PCNX2: variants seen among roughly 807,000 people sequenced by gnomAD.
PCNX2 encodes the protein pecanex-like protein 2.
A neutral mutation model predicts 223.8 loss-of-function variants in PCNX2; 168 were observed. The ratio of observed to expected loss-of-function variants is 0.75; its 90% CI spans 0.66 to 0.85. The LOEUF (loss-of-function observed/expected upper bound fraction) is 0.85, where lower values mean the gene tolerates loss of function less well. Among genes scored for constraint, PCNX2 ranks in the 40% least tolerant of loss-of-function variants. The pLI, the probability that PCNX2 is intolerant of heterozygous loss-of-function variation, is 0.00. For synonymous variants in PCNX2, 1,006 were observed against 1,052.6 expected, an observed-to-expected ratio of 0.96 and a Z score of 0.86; for missense variants, 2,507 against 2,675.5, an observed-to-expected ratio of 0.94 and a Z score of 1.39.
At chr1:233,198,421 G>A (rs1183570183) in intron 15 of PCNX2, among the ~76,000 whole-genome samples, 2 of 152,226 alleles carry the variant, frequency 1.3e-5, no homozygotes, top group East Asian at 1.9e-4. Flanking sequence ...TCTGAAGTTC[G>A]TGTTTATCTT....
intron 26 of PCNX2, 73 bp downstream of exon 26, chr1:233,025,073 G>T: frequency 6.4e-7 from 1 of 1,570,116 alleles, no homozygotes; most frequent in South Asian, 1.2e-5. Context: ...TTTAGCTTTC[G>T]ACAGAGCTCT....
At chr1:233,120,965 C>G (rs1675748344) in intron 21 of PCNX2, among the ~76,000 whole-genome samples, 1 of 151,860 alleles carries the variant, frequency 6.6e-6, no homozygotes. Context: ...ACTAATAAGT[C>G]AGCATAGCAA....
intron 25 of PCNX2, among the ~76,000 whole-genome samples, chr1:233,043,351 T>A (rs1671709695): frequency 6.6e-6 from 1 of 152,212 alleles, no homozygotes; most frequent in African/African-American, 2.4e-5. Context: ...CCCTTGAACT[T>A]GATGGCCCCC....
At chr1:233,194,791 C>T (rs550151179) in intron 15 of PCNX2, among the ~76,000 whole-genome samples, 4 of 151,948 alleles carry the variant, frequency 2.6e-5, no homozygotes, top group East Asian at 1.9e-4. Context: ...CCGAGGCAGG[C>T]GGATCACGAG....
At chr1:233,114,483 G>A (rs1675293692) in intron 21 of PCNX2, among the ~76,000 whole-genome samples, 1 of 152,220 alleles carries the variant, frequency 6.6e-6, no homozygotes, top group African/African-American at 2.4e-5. Flanking sequence ...ATGAAGTGGT[G>A]AGTCATTACA....
At chr1:233,200,050 G>A (rs1190647822) in intron 14 of PCNX2, 104 bp downstream of exon 14, 1 of 939,440 alleles carries the variant, frequency 1.1e-6, no homozygotes, top group Non-Finnish European at 1.6e-6. Context: ...AAATGCTCAG[G>A]ACAAAGAAAA....
At chr1:232,999,029 CAGG>C in intron 31 of PCNX2, 73 bp downstream of exon 31, 1 of 1,467,512 alleles carries the variant, frequency 6.8e-7, no homozygotes, top group Non-Finnish European at 9.1e-7. Flanking sequence ...AAATCTGAAC[CAGG>C]AGTACAGAGC....
chr1:233,255,040 T>C (rs995804563), intron 5 of PCNX2, among the ~76,000 whole-genome samples: 1 of 152,144 alleles, frequency 6.6e-6, no homozygotes, highest in Non-Finnish European at 1.5e-5. Flanking sequence ...TGACCAATAA[T>C]CTGCAGCAAC....
Position 233,025,166 on chromosome 1 carries a change from G to A in PCNX2, c.4585C>T (p.Leu1529Phe). ...MLQVFDLRRILIRYYIKSIIY... is the reference protein window; with the variant it reads ...MLQVFDLRRIFIRYYIKSIIY... ...AATACCTTGATGTAGTAGCGGATGA[G>A]GATCCTTCGGAGGTCAAACACCTGC... is the stretch of plus-strand genomic sequence containing the variant. The change falls in exon 26 of 34, where the codon CTC (leucine) becomes TTC (phenylalanine). Residue 1529 changes from leucine (L) to phenylalanine (F), a missense_variant. By Grantham distance (22) the Leu-to-Phe change is conservative. Coordinates refer to ENST00000258229, the MANE Select transcript of PCNX2 (RefSeq NM_014801.4). The A allele has an allele frequency of 6.2e-7, 1 of 1,613,986 alleles. No homozygotes were observed. The highest frequency in any genetic ancestry group is 8.5e-7 in the Non-Finnish European group (1 of 1,179,876).
chr1:233,261,521 G>A (rs10489808), intron 3 of PCNX2, among the ~76,000 whole-genome samples, 200 bp from the exon 4 acceptor site: 29,598 of 152,012 alleles, frequency 0.19, 2,931 homozygotes, highest in South Asian at 0.26. Context: ...ACATTCAACC[G>A]AGACAACTGT....
intron 12 of PCNX2, 126 bp from the exon 13 acceptor site, chr1:233,208,815 C>T (rs559030606): frequency 2.5e-3 from 211 of 84,894 alleles, no homozygotes; most frequent in African/African-American, 0.011. Context: ...CCAAACACCA[C>T]AATTCATATA....
chr1:233,201,341 A>G (rs1681102943), intron 13 of PCNX2, among the ~76,000 whole-genome samples: 1 of 152,210 alleles, frequency 6.6e-6, no homozygotes, highest in South Asian at 2.1e-4. Flanking sequence ...ATCTGAAAGC[A>G]GTTTATTTCT....
intron 18 of PCNX2, among the ~76,000 whole-genome samples, chr1:233,161,041 T>C (rs924749822): frequency 1.3e-5 from 2 of 152,182 alleles, no homozygotes; most frequent in Non-Finnish European, 2.9e-5. Flanking sequence ...GCTCCCCAGA[T>C]GCAGGAAAGG....
chr1:233,227,703 G>A (rs1433828770), intron 9 of PCNX2, among the ~76,000 whole-genome samples: 1 of 152,088 alleles, frequency 6.6e-6, no homozygotes, highest in African/African-American at 2.4e-5. Context: ...TAGTTCTTAT[G>A]AAAAGTAGGA....
intron 23 of PCNX2, among the ~76,000 whole-genome samples, chr1:233,068,595 A>T (rs1288955071): frequency 6.6e-6 from 1 of 152,166 alleles, no homozygotes; most frequent in Non-Finnish European, 1.5e-5. Context: ...AGCTAAATGG[A>T]CATGAAAAGA....
chr1:233,221,808 A>G (rs1010240744), intron 10 of PCNX2, among the ~76,000 whole-genome samples: 1 of 152,236 alleles, frequency 6.6e-6, no homozygotes, highest in Non-Finnish European at 1.5e-5. Context: ...TGAAAGAATA[A>G]AGATTACTCC....
intron 23 of PCNX2, among the ~76,000 whole-genome samples, chr1:233,075,870 G>A (rs557216699): frequency 6.6e-6 from 1 of 152,136 alleles, no homozygotes; most frequent in Admixed American, 6.5e-5. Flanking sequence ...ATTTCAGCAA[G>A]AAAAATCCAA....
At chr1:233,256,163 T>C (rs1237402988) in intron 5 of PCNX2, among the ~76,000 whole-genome samples, 2 of 152,132 alleles carry the variant, frequency 1.3e-5, no homozygotes, top group East Asian at 1.9e-4. Flanking sequence ...CCCTTCTGAT[T>C]GAATGTGGCT....
Position 233,253,769 on chromosome 1 carries a change from TATTTTTTGC to T in PCNX2, c.1835-990_1835-982del, listed in dbSNP as rs3840425. Among the ~76,000 whole-genome samples, 4,282 of 152,334 alleles carry T rather than the reference TATTTTTTGC, an allele frequency of 0.028. 105 individuals carry two copies. The highest frequency in any genetic ancestry group is 0.071 in the African/African-American group (2,970 of 41,560). ...AAGATCAATAGGTACTGATTGTTTT[TATTTTTTGC>T]ATTTTTTGAATCCTCTTTAAACAAC... is the stretch of plus-strand genomic sequence containing the variant. On this transcript the variant is annotated intron_variant, in intron 5 of 33. Coordinates refer to ENST00000258229, the MANE Select transcript of PCNX2 (RefSeq NM_014801.4). The surrounding 1 kb of genome is among the most constrained non-coding windows in gnomAD (Gnocchi z 4.2).
Sources: allele counts gnomAD v4.1 joint callset (sites outside exome capture counted in the v4.1 genomes callset), GRCh38; gene constraint gnomAD v4.1.1; non-coding constraint Gnocchi (gnomAD v3.1); transcripts MANE v1.5; gene names NCBI Gene and HGNC (gene_info 2026-07-23, HGNC 2026-07-21).